Variants in ATP9B observed in about 807,000 individuals in gnomAD.
ATP9B encodes ATPase phospholipid transporting 9B.
In ATP9B, 110 loss-of-function variants were observed where a neutral mutation model predicts 146.1. The observed-to-expected ratio is 0.75, with a 90% CI of 0.65 to 0.88. ATP9B has a LOEUF of 0.88. Ranked by LOEUF, ATP9B falls within the 40% of genes least tolerant of loss-of-function variation. ATP9B has a pLI of 0.00. For missense variants in ATP9B, 1,499 were observed against 1,496.4 expected, an observed-to-expected ratio of 1.00 and a Z score of -0.03; for synonymous variants, 604 against 569.7, an observed-to-expected ratio of 1.06 and a Z score of -0.86.
chr18:79,122,274 GT>G (rs1166603144), intron 4 of ATP9B, among the ~76,000 whole-genome samples: 8 of 152,144 alleles, frequency 5.3e-5, no homozygotes, highest in African/African-American at 1.9e-4. Context: ...TTTTTAAGAA[GT>G]TACCTCTGCA....
intron 11 of ATP9B, among the ~76,000 whole-genome samples, chr18:79,246,374 G>A (rs1035407505): frequency 4.4e-4 from 67 of 151,950 alleles, no homozygotes; most frequent in Non-Finnish European, 8.1e-4. Flanking sequence ...ACTGAGGAGG[G>A]CACCGCCCTA....
intron 10 of ATP9B, among the ~76,000 whole-genome samples, chr18:79,212,163 T>C (rs1332586825): frequency 6.6e-6 from 1 of 152,204 alleles, no homozygotes; most frequent in African/African-American, 2.4e-5. Context: ...CCCAAATATT[T>C]CTGCACTGAT....
Position 79,069,496 on chromosome 18 carries a change from C to G in ATP9B, c.86C>G (p.Ala29Gly). Residue 29 changes from alanine (A) to glycine (G), a missense_variant, in exon 1 of 30, where the codon GCG becomes GGG. Transcript: ENST00000426216. ...NRKRAAYYSA[A>G]GPRPGADRHS... ...AAACGCGCGGCCTACTACAGCGCCG[C>G]GGGGCCCAGGCCGGGAGCCGACCGG... 6.8e-7 allele frequency: 1 copy of G among 1,465,994 alleles called. No homozygotes were observed. The highest frequency in any genetic ancestry group is 9.0e-7 in the Non-Finnish European group (1 of 1,108,322). 90.8% of individuals were successfully genotyped at this position (1,465,994 alleles called of 1,614,324 possible). A position where few individuals can be genotyped will look rare whatever the true frequency, so the allele number is the denominator to read the frequency against.
intron 9 of ATP9B, among the ~76,000 whole-genome samples, chr18:79,193,567 A>G (rs533183381): frequency 2.0e-4 from 31 of 152,336 alleles, no homozygotes; most frequent in African/African-American, 6.0e-4. Context: ...TTGGTATACT[A>G]TCTTATCCAC....
intron 26 of ATP9B, among the ~76,000 whole-genome samples, chr18:79,365,170 G>T (rs1206281109): frequency 1.3e-5 from 2 of 152,180 alleles, no homozygotes; most frequent in Admixed American, 6.5e-5. Flanking sequence ...TTCAACAAGA[G>T]AACAACCCAG....
chr18:79,236,845 C>T, intron 11 of ATP9B, among the ~76,000 whole-genome samples: 1 of 142,542 alleles, frequency 7.0e-6, no homozygotes. Flanking sequence ...TGCCCCTTCC[C>T]CACTGTGTAC....
At chr18:79,080,342 T>C (rs1359632938) in intron 1 of ATP9B, among the ~76,000 whole-genome samples, 1 of 151,776 alleles carries the variant, frequency 6.6e-6, no homozygotes, top group Non-Finnish European at 1.5e-5. Flanking sequence ...TAGTTCTCCT[T>C]GAAGAAGTCC....
At chr18:79,370,378 G>T (rs2097062168) in intron 26 of ATP9B, among the ~76,000 whole-genome samples, 1 of 152,206 alleles carries the variant, frequency 6.6e-6, no homozygotes, top group Non-Finnish European at 1.5e-5. Context: ...AGAAAGGCGT[G>T]TGCTAGGCAG....
At chr18:79,287,101 G>C (rs559925737) in intron 13 of ATP9B, among the ~76,000 whole-genome samples, 3 of 152,046 alleles carry the variant, frequency 2.0e-5, no homozygotes, top group African/African-American at 7.2e-5. Context: ...TGTCTCTGCC[G>C]GGCTTTGGTA....
At chr18:79,190,082 C>A (rs976037583) in intron 8 of ATP9B, among the ~76,000 whole-genome samples, 4 of 152,186 alleles carry the variant, frequency 2.6e-5, no homozygotes, top group Non-Finnish European at 4.4e-5. Context: ...TCCGGGAGCA[C>A]AGTGTGTACT....
chr18:79,223,638 G>A (rs192884177), intron 11 of ATP9B, among the ~76,000 whole-genome samples: 1 of 152,262 alleles, frequency 6.6e-6, no homozygotes, highest in Non-Finnish European at 1.5e-5. Context: ...ACATAATTCT[G>A]TAGCTTCTAG....
chr18:79,198,409 T>C (rs1255440406), intron 9 of ATP9B, among the ~76,000 whole-genome samples: 1 of 152,218 alleles, frequency 6.6e-6, no homozygotes, highest in Admixed American at 6.5e-5. Context: ...GAAAAGGGTT[T>C]ATTATGGAGA....
rs190363016 is a variant in ATP9B, at chr18:79,100,323, G to C, written c.293+3674G>C. Among the ~76,000 whole-genome samples the C allele has an allele frequency of 1.1e-3, 169 of 152,260 alleles. 1 individual carries two copies. Among genetic ancestry groups the C allele is most frequent in the African/African-American group, 3.9e-3 (160 of 41,550 alleles). ...GTTCAAATCTGTGTTGCTGTTCATG[G>C]TTTGCTTGTTTGTCAGTTACTGAGA... On this transcript the variant is annotated intron_variant, in intron 2 of 29. Coordinates refer to ENST00000426216, the MANE Select transcript of ATP9B (RefSeq NM_198531.5).
chr18:79,316,267 G>T (rs1418258849), intron 15 of ATP9B, among the ~76,000 whole-genome samples: 3 of 152,114 alleles, frequency 2.0e-5, no homozygotes, highest in African/African-American at 7.2e-5. Context: ...ATTGCGTTCT[G>T]TGGTTGCCTG....
chr18:79,093,221 CT>C (rs993307907), intron 1 of ATP9B, among the ~76,000 whole-genome samples: 24 of 152,066 alleles, frequency 1.6e-4, no homozygotes, highest in Non-Finnish European at 7.4e-5. Flanking sequence ...TACTTTTAAT[CT>C]TTTAAAGTAA....
rs936196153 is a variant in ATP9B, at chr18:79,190,349, T to C, written c.874-2834T>C. Among the ~76,000 whole-genome samples the C allele has an allele frequency of 2.6e-5, 4 of 152,300 alleles. 1 individual carries two copies. Among genetic ancestry groups the C allele is most frequent in the Admixed American group, 6.5e-5 (1 of 15,306 alleles). ...TGGTGTATCTTCAAGGTTTTTCAAA[T>C]TATCAACAAATCTCCAAAAGTTTTC... On this transcript the variant is annotated intron_variant, in intron 8 of 29. Coordinates refer to ENST00000426216, the MANE Select transcript of ATP9B (RefSeq NM_198531.5).
chr18:79,147,847 A>T (rs531360741), intron 6 of ATP9B, among the ~76,000 whole-genome samples: 1 of 152,216 alleles, frequency 6.6e-6, no homozygotes, highest in Admixed American at 6.5e-5. Context: ...AAAATGGAAA[A>T]TAGGAAGACA....
intron 11 of ATP9B, among the ~76,000 whole-genome samples, chr18:79,244,306 G>T (rs1027517309): frequency 1.3e-5 from 2 of 152,076 alleles, no homozygotes; most frequent in Admixed American, 1.3e-4. Context: ...GGAAAGGAAT[G>T]GTCCCATCTA....
At chr18:79,374,158 T>A (rs2097089565) in intron 28 of ATP9B, 57 bp downstream of exon 28, 2 of 1,544,338 alleles carry the variant, frequency 1.3e-6, no homozygotes, top group Admixed American at 3.7e-5. Flanking sequence ...TTTGAAGTAT[T>A]TTCTTATTGT....
Sources: allele counts gnomAD v4.1 joint callset (sites outside exome capture counted in the v4.1 genomes callset), GRCh38; gene constraint gnomAD v4.1.1; transcripts MANE v1.5; gene names NCBI Gene and HGNC (gene_info 2026-07-23, HGNC 2026-07-21).